Variants in NTRK2 observed in about 807,000 individuals in gnomAD.
NTRK2 encodes the protein BDNF/NT-3 growth factors receptor.
Under a neutral mutation model 94.5 loss-of-function variants are expected in NTRK2, and 13 were observed. The ratio of observed to expected loss-of-function variants is 0.14; its 90% CI spans 0.09 to 0.22. The LOEUF (loss-of-function observed/expected upper bound fraction) is 0.22. Ranked by LOEUF, NTRK2 falls within the 10% of genes least tolerant of loss-of-function variation. NTRK2 has a pLI of 1.00. For missense variants in NTRK2, 639 were observed against 1,071.2 expected (o/e 0.60, Z 5.63); for synonymous variants, 372 against 407.4 (o/e 0.91, Z 1.05).
At chr9:84,958,210 AC>A (rs1280149361) in intron 17 of NTRK2, among the ~76,000 whole-genome samples, 1 of 152,140 alleles carries the variant, frequency 6.6e-6, no homozygotes, top group Non-Finnish European at 1.5e-5. Context: ...CAAAAAAAAA[AC>A]ACTGAATCAT....
chr9:84,730,047 G>T (rs139124433), intron 9 of NTRK2, among the ~76,000 whole-genome samples: 1 of 152,234 alleles, frequency 6.6e-6, no homozygotes, highest in Non-Finnish European at 1.5e-5. Context: ...CCCTTTAAAA[G>T]AAATAATTAT....
chr9:84,680,998 T>G (rs1409806917), intron 2 of NTRK2, among the ~76,000 whole-genome samples: 2 of 152,214 alleles, frequency 1.3e-5, no homozygotes, highest in African/African-American at 4.8e-5. Context: ...TCGGTTCCCT[T>G]TTCTCTGCTC....
At chr9:84,825,957 G>A (rs2073157509) in intron 12 of NTRK2, among the ~76,000 whole-genome samples, 1 of 152,202 alleles carries the variant, frequency 6.6e-6, no homozygotes, top group African/African-American at 2.4e-5. Context: ...AGCTATGTGG[G>A]ACCTCATAGC....
chr9:84,907,325 T>G (rs1289127623), intron 14 of NTRK2, among the ~76,000 whole-genome samples: 1 of 152,194 alleles, frequency 6.6e-6, no homozygotes, highest in Non-Finnish European at 1.5e-5. Context: ...TTGGATAAGT[T>G]GCATAGCCAT....
chr9:84,889,334 TA>T (rs941713097), intron 14 of NTRK2, among the ~76,000 whole-genome samples: 8 of 152,148 alleles, frequency 5.3e-5, no homozygotes, highest in African/African-American at 1.9e-4. Flanking sequence ...AAAACGCTTT[TA>T]AAAAATCTTT....
chr9:84,926,119 T>C (rs1343366209), intron 14 of NTRK2, among the ~76,000 whole-genome samples: 1 of 41,194 alleles, frequency 2.4e-5, no homozygotes, highest in Non-Finnish European at 5.8e-5. Flanking sequence ...CCTTCCTTCC[T>C]TCCTTCCTTC....
chr9:84,883,558 A>C (rs746668957), intron 14 of NTRK2, among the ~76,000 whole-genome samples: 1 of 152,220 alleles, frequency 6.6e-6, no homozygotes, highest in East Asian at 1.9e-4. Flanking sequence ...TTGTTTTTGC[A>C]TAATCAACAT....
chr9:84,855,040 A>G (rs1184401719), intron 12 of NTRK2, among the ~76,000 whole-genome samples: 1 of 151,828 alleles, frequency 6.6e-6, no homozygotes, highest in African/African-American at 2.4e-5. Flanking sequence ...AGGAAAGAGA[A>G]CACTGGGCTG....
At chr9:84,784,954 T>C (rs1208952446) in intron 12 of NTRK2, among the ~76,000 whole-genome samples, 1 of 152,242 alleles carries the variant, frequency 6.6e-6, no homozygotes, top group Non-Finnish European at 1.5e-5. Context: ...TTAGTTTCCT[T>C]GAGAACTGAA....
intron 2 of NTRK2, among the ~76,000 whole-genome samples, chr9:84,688,654 A>G (rs1201290151): frequency 6.6e-6 from 1 of 152,132 alleles, no homozygotes; most frequent in African/African-American, 2.4e-5. Context: ...TGCCCCTGAA[A>G]GTTCTGGGTC....
chr9:84,845,826 A>G (rs2074441329), intron 12 of NTRK2, among the ~76,000 whole-genome samples: 1 of 152,104 alleles, frequency 6.6e-6, no homozygotes, highest in Non-Finnish European at 1.5e-5. Flanking sequence ...TACAGTGTAC[A>G]CTGCTTGGGT....
intron 17 of NTRK2, among the ~76,000 whole-genome samples, chr9:84,970,629 T>C (rs974111467): frequency 2.6e-5 from 4 of 152,140 alleles, no homozygotes; most frequent in African/African-American, 9.7e-5. Flanking sequence ...TGGTGTTTGG[T>C]TAGCTGTGAA....
At chr9:84,931,736 AAAACCAAC>A (rs1301458324) in intron 14 of NTRK2, among the ~76,000 whole-genome samples, 20 of 152,012 alleles carry the variant, frequency 1.3e-4, no homozygotes, top group Admixed American at 1.1e-3. Flanking sequence ...AAAAACAAAA[AAAACCAAC>A]GTTAAATACT....
chr9:84,859,404 A>G (rs2075225679), intron 12 of NTRK2, among the ~76,000 whole-genome samples: 1 of 152,224 alleles, frequency 6.6e-6, no homozygotes, highest in Non-Finnish European at 1.5e-5. Context: ...GATAACCTGT[A>G]TTGAGAACCT....
At chr9:84,897,725 C>T (rs375501656) in intron 14 of NTRK2, among the ~76,000 whole-genome samples, 3 of 152,344 alleles carry the variant, frequency 2.0e-5, no homozygotes, top group East Asian at 3.9e-4. Flanking sequence ...CCCTCACAAA[C>T]CACTTCTTCA....
chr9:84,976,478 A>T (rs1023781480), intron 17 of NTRK2, among the ~76,000 whole-genome samples: 2 of 152,224 alleles, frequency 1.3e-5, no homozygotes, highest in African/African-American at 4.8e-5. Flanking sequence ...TCACAGCACC[A>T]AGTAACAATT....
At chr9:84,800,084 C>T (rs1031381400) in intron 12 of NTRK2, among the ~76,000 whole-genome samples, 12 of 152,196 alleles carry the variant, frequency 7.9e-5, no homozygotes, top group African/African-American at 2.4e-4. Flanking sequence ...GAAACAGGCA[C>T]TGTCTCAGAA....
chr9:84,967,412 G>C lies in NTRK2; in HGVS notation c.2172+11895G>C, dbSNP rs542489167. On this transcript the variant is annotated intron_variant, in intron 17 of 18. Transcript: ENST00000277120. Reference sequence around the variant, plus strand: ...CCCTACGCAGGAAATGCAAGAAAAGGCTTGTGGAGAGTCAAACAGCTTGTC... The same window carrying C: ...CCCTACGCAGGAAATGCAAGAAAAGCCTTGTGGAGAGTCAAACAGCTTGTC... Among the ~76,000 whole-genome samples the C allele has an allele frequency of 9.6e-4, 146 of 152,374 alleles. 1 individual carries two copies. Among genetic ancestry groups the C allele is most frequent in the Non-Finnish European group, 1.2e-3 (81 of 68,040 alleles).
chr9:84,775,206 T>TGG (rs2066914372), intron 12 of NTRK2, among the ~76,000 whole-genome samples: 1 of 152,184 alleles, frequency 6.6e-6, no homozygotes, highest in Non-Finnish European at 1.5e-5. Context: ...GCATAGGGCC[T>TGG]GGGCCTAGAG....
Sources: allele counts gnomAD v4.1 joint callset (sites outside exome capture counted in the v4.1 genomes callset), GRCh38; gene constraint gnomAD v4.1.1; transcripts MANE v1.5; gene names NCBI Gene and HGNC (gene_info 2026-07-23, HGNC 2026-07-21).